Variants in NCL observed in about 807,000 individuals in gnomAD.
The protein encoded by NCL is nucleolin multifunctional protein.
Under a neutral mutation model 77.7 loss-of-function variants are expected in NCL, and 4 were observed. The observed-to-expected ratio is 0.05, with a 90% CI of 0.03 to 0.12. The LOEUF is 0.12. Ranked by LOEUF, NCL falls within the 10% of genes least tolerant of loss-of-function variation. The probability of loss-of-function intolerance (pLI) is 1.00; values close to 1 mark genes in which losing one functional copy is unlikely to be tolerated. For synonymous variants in NCL, 344 were observed against 297.8 expected (o/e 1.16, Z -1.60); for missense variants, 763 against 860.9 (o/e 0.89, Z 1.42).
At chr2:231,459,466 T>C (rs375009296) in intron 6 of NCL, among the ~76,000 whole-genome samples, 1 of 152,118 alleles carries the variant, frequency 6.6e-6, no homozygotes, top group Admixed American at 6.5e-5. Flanking sequence ...ACAGGTCTAA[T>C]AGTTTCAGGT....
intron 11 of NCL, chr2:231,456,370 G>A: frequency 1.1e-6 from 1 of 887,060 alleles, no homozygotes; most frequent in Non-Finnish European, 1.8e-6. Flanking sequence ...AGTGGGAGAA[G>A]CAACCCAAGC....
chr2:231,464,206 G>A, intron 1 of NCL, 130 bp downstream of exon 1: 1 of 1,478,926 alleles, frequency 6.8e-7, no homozygotes, highest in Non-Finnish European at 9.1e-7. Flanking sequence ...CACTAATCGC[G>A]CGAGACTTCC....
At position 231,454,173 on chromosome 2, in the gene NCL, A is replaced by C. The variant is rs750937452; in HGVS notation, c.*1018T>G. 13 of 152,042 alleles carry C rather than the reference A, an allele frequency of 8.6e-5. No homozygotes were observed. Among genetic ancestry groups the C allele is most frequent in the Non-Finnish European group, 1.8e-4 (12 of 68,056 alleles). 9.4% of individuals were successfully genotyped at this position (152,042 alleles called of 1,614,324 possible). ...CTATTCCAGAACTGCTTTTTGGGAG[A>C]TGGGAGTCTCGCTTTGTTACCCAGC... On this transcript the variant is annotated 3_prime_UTR_variant, in exon 14 of 14. Coordinates refer to ENST00000322723, the MANE Select transcript of NCL (RefSeq NM_005381.3).
intron 8 of NCL, among the ~76,000 whole-genome samples, 199 bp downstream of exon 8, chr2:231,458,067 T>TGTAA (rs761597190): frequency 2.0e-5 from 3 of 152,232 alleles, no homozygotes; most frequent in Non-Finnish European, 4.4e-5. Context: ...CTTGCTTCTT[T>TGTAA]GTAAGTATTA....
At chr2:231,463,160 T>C in intron 2 of NCL, 40 bp downstream of exon 2, 2 of 1,395,372 alleles carry the variant, frequency 1.4e-6, no homozygotes, top group Admixed American at 2.1e-5. Flanking sequence ...CTCCATTTTG[T>C]AGTTTTAACA....
chr2:231,456,223 A>G, intron 11 of NCL, 87 bp from the exon 12 acceptor site: 2 of 1,520,968 alleles, frequency 1.3e-6, no homozygotes, highest in Admixed American at 1.9e-5. Flanking sequence ...CTACTAGCCA[A>G]GAATACTTGT....
rs1333754114 is a variant in NCL, at chr2:231,458,403, A to G, written c.1166-14T>C. 2.5e-6 allele frequency: 4 copies of G among 1,609,828 alleles called. No homozygotes were observed. The African/African-American group carries it at 5.4e-5, about 22-fold the overall frequency. On this transcript the variant is annotated splice_polypyrimidine_tract_variant and intron_variant, in intron 7 of 13. Coordinates refer to ENST00000322723, the MANE Select transcript of NCL (RefSeq NM_005381.3). ...TCGCATCTCGCTCTAGATTAAAAAAACAAAAATGAGCTCTGTGGCCTGAAA... is the reference window on the plus strand; with the variant it reads ...TCGCATCTCGCTCTAGATTAAAAAAGCAAAAATGAGCTCTGTGGCCTGAAA...
chr2:231,457,040 A>G lies in NCL; in HGVS notation c.1532T>C (p.Phe511Ser). Residue 511 changes from phenylalanine to serine, a missense_variant, in exon 10 of 14, where the codon TTT becomes TCT. By Grantham distance (155) the Phe-to-Ser change is radical. Around this residue, in one of 2 missense-constraint regions of NCL, gnomAD observed 173 missense variants for 290.4 expected, o/e 0.60. Coordinates refer to ENST00000322723, the MANE Select transcript of NCL (RefSeq NM_005381.3). The stretch of plus-strand genomic sequence containing the variant: ...ATTTTGGTTCTGGGGTACTTTGATA[A>G]AAGTTGCTTTCTCAAATACTTCCTG... ...TLQEVFEKAT[F>S]IKVPQNQNGK... The G allele has an allele frequency of 1.9e-6, 3 of 1,614,158 alleles. No homozygotes were observed. The highest frequency in any genetic ancestry group is 2.5e-6 in the Non-Finnish European group (3 of 1,180,014).
chr2:231,463,495 C>G (rs1310294664), intron 1 of NCL, 179 bp from the exon 2 acceptor site: 8 of 613,234 alleles, frequency 1.3e-5, no homozygotes, highest in Non-Finnish European at 2.3e-5. Context: ...CTACTCTCAA[C>G]CGCCCACATT....
Position 231,455,165 on chromosome 2 carries a change from G to C in NCL, c.*26C>G. ...ACCCCAGAGTCCTTTCTTTCAAATG[G>C]AAAAGGGAAAGCAGAGGGACAGAAG... On this transcript the variant is annotated 3_prime_UTR_variant, in exon 14 of 14. Transcript: ENST00000322723. The C allele has an allele frequency of 6.2e-7, 1 of 1,613,680 alleles. No individual in the cohort carries two copies. The highest frequency in any genetic ancestry group is 8.5e-7 in the Non-Finnish European group (1 of 1,179,752).
intron 6 of NCL, among the ~76,000 whole-genome samples, chr2:231,459,499 T>C (rs1273798876): frequency 1.3e-5 from 2 of 152,050 alleles, no homozygotes; most frequent in African/African-American, 2.4e-5. Flanking sequence ...ATAAACATTA[T>C]TTTAAATTGA....
At chr2:231,458,679 T>A (rs542691446) in intron 7 of NCL, 160 of 446,102 alleles carry the variant, frequency 3.6e-4, no homozygotes, top group African/African-American at 3.0e-3. Context: ...ATTACAACTG[T>A]ATATAGGGAG....
intron 1 of NCL, chr2:231,464,014 C>T (rs1388294958): frequency 2.4e-6 from 2 of 831,264 alleles, no homozygotes; most frequent in African/African-American, 3.6e-5. Flanking sequence ...CGGGCACGTG[C>T]GTCAGGAGTC....
chr2:231,464,170 A>T (rs1040208943), intron 1 of NCL, 166 bp downstream of exon 1: 50 of 1,424,200 alleles, frequency 3.5e-5, no homozygotes, highest in African/African-American at 5.7e-5. Flanking sequence ...CTCGCCACCA[A>T]GTAGCCAGAA....
intron 3 of NCL, among the ~76,000 whole-genome samples, chr2:231,461,286 T>TAA (rs34075637): frequency 1.5e-3 from 220 of 144,568 alleles, no homozygotes; most frequent in East Asian, 0.012. Flanking sequence ...CAAAAAAATT[T>TAA]AAAAAAAAAA....
In NCL at chr2:231,455,627, A is replaced by G. The variant is rs1448738172; in HGVS notation, c.1833-3T>C. 4.3e-6 allele frequency: 7 copies of G among 1,613,982 alleles called. No individual in the cohort carries two copies. The East Asian group carries it at 1.3e-4, about 31-fold the overall frequency. Reference sequence around the variant, plus strand: ...TGTTGAAGTCTACAAAACCAAACCTAGAACACCAAATGAAATTGCCCATTA... The same window carrying G: ...TGTTGAAGTCTACAAAACCAAACCTGGAACACCAAATGAAATTGCCCATTA... On this transcript the variant is annotated splice_region_variant and splice_polypyrimidine_tract_variant and intron_variant, in intron 12 of 13. Coordinates refer to ENST00000322723, the MANE Select transcript of NCL (RefSeq NM_005381.3).
At chr2:231,455,649 A>G (rs762412125) in intron 12 of NCL, 25 bp from the exon 13 acceptor site, 5 of 1,611,634 alleles carry the variant, frequency 3.1e-6, no homozygotes, top group Admixed American at 3.3e-5. Flanking sequence ...GAAATTGCCC[A>G]TTATAAAAAG....
At chr2:231,458,843 A>C in intron 7 of NCL, 158 bp downstream of exon 7, 1 of 812,036 alleles carries the variant, frequency 1.2e-6, no homozygotes, top group Non-Finnish European at 1.8e-6. Flanking sequence ...GTACTCTTGT[A>C]AACACTGTAG....
chr2:231,462,617 G>C (rs752974899), intron 2 of NCL: 2 of 499,048 alleles, frequency 4.0e-6, no homozygotes, highest in South Asian at 1.5e-5. Context: ...GTGTGGAAGA[G>C]TAAAACTTTC....
Sources: allele counts gnomAD v4.1 joint callset (sites outside exome capture counted in the v4.1 genomes callset), GRCh38; gene constraint gnomAD v4.1.1; regional missense constraint gnomAD v4.1.1; transcripts MANE v1.5; gene names NCBI Gene and HGNC (gene_info 2026-07-23, HGNC 2026-07-21).